The following SLC22A23 variants were observed in gnomAD, a reference collection of about 807,000 sequenced individuals.
The protein encoded by SLC22A23 is solute carrier family 22 member 23.
In SLC22A23, 26 loss-of-function variants were observed where a neutral mutation model predicts 61.0. The observed-to-expected ratio is 0.43, with a 90% CI of 0.31 to 0.59. The LOEUF (loss-of-function observed/expected upper bound fraction) is 0.59, where lower values mean the gene tolerates loss of function less well. Among genes scored for constraint, SLC22A23 ranks in the 20% least tolerant of loss-of-function variants. The probability of loss-of-function intolerance (pLI) is 0.11; values close to 1 mark genes in which losing one functional copy is unlikely to be tolerated. For synonymous variants in SLC22A23, 430 were observed against 413.9 expected (o/e 1.04, Z -0.47); for missense variants, 796 against 934.7 (o/e 0.85, Z 1.94).
At chr6:3,274,878 G>A (rs1251633811) in intron 9 of SLC22A23, among the ~76,000 whole-genome samples, 2 of 141,992 alleles carry the variant, frequency 1.4e-5, no homozygotes, top group South Asian at 2.2e-4. Flanking sequence ...TGAATTAGAA[G>A]ACTAAATATT....
chr6:3,334,819 C>A (rs1231835573), intron 3 of SLC22A23, among the ~76,000 whole-genome samples: 1 of 152,228 alleles, frequency 6.6e-6, no homozygotes, highest in African/African-American at 2.4e-5. Context: ...GGACTGACTG[C>A]ACACTGCCAG....
Position 3,318,224 on chromosome 6 carries a change from C to G in SLC22A23, c.1082+5610G>C, listed in dbSNP as rs1762752859. 1.3e-5 allele frequency among the ~76,000 whole-genome samples: 2 copies of G among 152,144 alleles called. No homozygotes were observed. Among genetic ancestry groups the G allele is most frequent in the African/African-American group, 2.4e-5 (1 of 41,408 alleles). ...TTTCCTAATGTTTTAACATCTGGAG[C>G]CTTGCTGATTCCAGAGAGGCTGCTC... is the stretch of plus-strand genomic sequence containing the variant. On this transcript the variant is annotated intron_variant, in intron 4 of 9. Transcript: ENST00000406686. The surrounding 1 kb of genome is among the most constrained non-coding windows in gnomAD (Gnocchi z 4.3).
chr6:3,389,268 C>CAAAAAAAAA (rs61020784), intron 3 of SLC22A23, among the ~76,000 whole-genome samples: 3 of 32,600 alleles, frequency 9.2e-5, no homozygotes, highest in Non-Finnish European at 1.4e-4. Context: ...AACTCTGTCT[C>CAAAAAAAAA]AAAAAAAAAA....
intron 3 of SLC22A23, among the ~76,000 whole-genome samples, chr6:3,350,206 C>G (rs774091243): frequency 1.3e-5 from 2 of 152,156 alleles, no homozygotes; most frequent in Admixed American, 6.5e-5. Flanking sequence ...AGGACCCACC[C>G]GATGGATTCT....
Position 3,444,920 on chromosome 6 carries a change from C to T in SLC22A23, c.654+10986G>A, listed in dbSNP as rs536286623. ...AGGTGTGGCCTTCAGCTCCTCCCCC[C>T]TCAAAGTGCTTCTCAGACGACTCAT... is the stretch of plus-strand genomic sequence containing the variant. On this transcript the variant is annotated intron_variant, in intron 1 of 9. Transcript: ENST00000406686. The T allele has an allele frequency of 1.1e-4, 104 of 985,564 alleles. No homozygotes were observed. The African/African-American group carries it at 1.7e-3, about 17-fold the overall frequency. The allele number at this position is 985,564 out of a possible 1,614,324, so 61.1% of individuals were successfully genotyped here. A position where few individuals can be genotyped will look rare whatever the true frequency, so the allele number is the denominator to read the frequency against.
intron 1 of SLC22A23, among the ~76,000 whole-genome samples, chr6:3,417,158 G>A (rs1769775420): frequency 6.6e-6 from 1 of 152,152 alleles, no homozygotes; most frequent in Non-Finnish European, 1.5e-5. Flanking sequence ...TGGATGCAGG[G>A]AAAGGTGCCT....
At chr6:3,379,562 G>A (rs1160040392) in intron 3 of SLC22A23, among the ~76,000 whole-genome samples, 1 of 152,162 alleles carries the variant, frequency 6.6e-6, no homozygotes, top group Non-Finnish European at 1.5e-5. Flanking sequence ...CGTTTTCCAC[G>A]TGGTTTTGGA....
intron 3 of SLC22A23, among the ~76,000 whole-genome samples, chr6:3,373,389 C>T (rs1766350581): frequency 6.6e-6 from 1 of 152,230 alleles, no homozygotes; most frequent in African/African-American, 2.4e-5. Context: ...TGTCCTTTTG[C>T]TGTAATAAAT....
intron 4 of SLC22A23, chr6:3,312,125 C>G (rs1762395864): frequency 6.6e-6 from 1 of 152,214 alleles, no homozygotes; most frequent in Non-Finnish European, 1.5e-5. Context: ...ACTTTGGAGT[C>G]AGACTTTTCA....
rs529764334 is a variant in SLC22A23 at position 3,297,847 on chromosome 6, C to G, written c.1210+244G>C. On this transcript the variant is annotated intron_variant, in intron 5 of 9. Transcript: ENST00000406686. The surrounding 1 kb of genome is among the most constrained non-coding windows in gnomAD (Gnocchi z 4.3). Reference sequence around the variant, plus strand: ...AGCAGTGTATATTGGGCTCATGGCTCGCTTCTGCATTTAGACAGGAGATGA... The same window carrying G: ...AGCAGTGTATATTGGGCTCATGGCTGGCTTCTGCATTTAGACAGGAGATGA... Among the ~76,000 whole-genome samples the G allele has an allele frequency of 6.6e-6, 1 of 152,238 alleles. No individual in the cohort carries two copies. The highest frequency in any genetic ancestry group is 6.5e-5 in the Admixed American group (1 of 15,300).
At chr6:3,450,807 CATATG>C (rs1313481541) in intron 1 of SLC22A23, among the ~76,000 whole-genome samples, 1 of 152,158 alleles carries the variant, frequency 6.6e-6, no homozygotes, top group African/African-American at 2.4e-5. Flanking sequence ...AACTAGTCAT[CATATG>C]ATAACTAGGA....
Position 3,324,301 on chromosome 6 carries a change from T to C in SLC22A23, c.914-299A>G, listed in dbSNP as rs1043282809. 1.1e-5 allele frequency: 4 copies of C among 349,252 alleles called. No homozygotes were observed. Among genetic ancestry groups the C allele is most frequent in the African/African-American group, 6.1e-5 (3 of 49,048 alleles). 21.6% of individuals were successfully genotyped at this position (349,252 alleles called of 1,614,324 possible). On this transcript the variant is annotated intron_variant, in intron 3 of 9. Coordinates refer to ENST00000406686, the MANE Select transcript of SLC22A23 (RefSeq NM_015482.2). This position sits in a 1 kb window ranked among gnomAD's most constrained non-coding sequence, Gnocchi z 4.3. ...GAAATGGTACTGCCTATGGGACAGATCGCCCATTGTTCCTGCTTCCTCTGC... is the reference window on the plus strand; with the variant it reads ...GAAATGGTACTGCCTATGGGACAGACCGCCCATTGTTCCTGCTTCCTCTGC...
At chr6:3,273,451 C>A in intron 9 of SLC22A23, 39 bp from the exon 10 acceptor site, 2 of 1,602,474 alleles carry the variant, frequency 1.2e-6, no homozygotes, top group South Asian at 1.1e-5. Flanking sequence ...CTGCTGTGGG[C>A]TAGCGGGCTG....
At chr6:3,321,768 C>T (rs1289316875) in intron 4 of SLC22A23, among the ~76,000 whole-genome samples, 1 of 152,030 alleles carries the variant, frequency 6.6e-6, no homozygotes, top group Non-Finnish European at 1.5e-5. Context: ...GAGTATGGGT[C>T]GCCAAGAGGC....
rs141139747 is a variant in SLC22A23 at position 3,408,715 on chromosome 6, G to A, written c.913+1473C>T. 2.6e-3 allele frequency among the ~76,000 whole-genome samples: 398 copies of A among 152,348 alleles called. 1 individual carries two copies. Among genetic ancestry groups the A allele is most frequent in the Non-Finnish European group, 4.4e-3 (302 of 68,030 alleles). ...ATTTTCCATGAACACTCTCTTGCCT[G>A]GGGGTGGTGAGGCTGAGGTTATATT... On this transcript the variant is annotated intron_variant, in intron 3 of 9. Coordinates refer to ENST00000406686, the MANE Select transcript of SLC22A23 (RefSeq NM_015482.2).
chr6:3,361,858 G>T (rs572754908), intron 3 of SLC22A23, among the ~76,000 whole-genome samples: 1 of 152,312 alleles, frequency 6.6e-6, no homozygotes, highest in African/African-American at 2.4e-5. Flanking sequence ...CTCACGCTAC[G>T]ACCTAGGGAG....
intron 9 of SLC22A23, 147 bp from the exon 10 acceptor site, chr6:3,273,559 G>A: frequency 1.3e-6 from 1 of 755,206 alleles, no homozygotes; most frequent in Non-Finnish European, 2.1e-6. Context: ...CACGTCCCAT[G>A]TCACCAGCAC....
rs112236514 is a variant in SLC22A23 at position 3,344,888 on chromosome 6, C to T, written c.914-20886G>A. Reference sequence around the variant, plus strand: ...CAGGAGAAAACTCATTTCTTGGCAGCACTGGCAGCCTGGGCTGAGGAAACC... The same window carrying T: ...CAGGAGAAAACTCATTTCTTGGCAGTACTGGCAGCCTGGGCTGAGGAAACC... On this transcript the variant is annotated intron_variant, in intron 3 of 9. Transcript: ENST00000406686. Among the ~76,000 whole-genome samples the T allele has an allele frequency of 4.0e-3, 615 of 151,884 alleles. 3 individuals are homozygous for T. Among genetic ancestry groups the T allele is most frequent in the African/African-American group, 0.014 (573 of 41,292 alleles).
chr6:3,340,646 A>G (rs1467010401), intron 3 of SLC22A23, among the ~76,000 whole-genome samples: 1 of 152,212 alleles, frequency 6.6e-6, no homozygotes, highest in Non-Finnish European at 1.5e-5. Context: ...GTCCCATGTG[A>G]AAAAGCAGGA....
Sources: gnomAD v4.1 joint callset for allele counts (sites outside exome capture counted in the v4.1 genomes callset) on GRCh38, gnomAD v4.1.1 for gene constraint, Gnocchi (gnomAD v3.1) non-coding constraint, MANE v1.5 for transcripts, NCBI Gene and HGNC (gene_info 2026-07-23, HGNC 2026-07-21) for gene names.